Variants in TNIP1 observed in about 807,000 individuals in gnomAD.
The protein encoded by TNIP1 is TNFAIP3-interacting protein 1.
A neutral mutation model predicts 86.6 loss-of-function variants in TNIP1; 22 were observed. That is an observed-to-expected ratio of 0.25 (90% CI 0.18 to 0.36). TNIP1 has a LOEUF of 0.36. Among genes scored for constraint, TNIP1 ranks in the 10% least tolerant of loss-of-function variants. The probability of loss-of-function intolerance (pLI) is 1.00; values close to 1 mark genes in which losing one functional copy is unlikely to be tolerated. For missense variants in TNIP1, 709 were observed against 820.6 expected, an observed-to-expected ratio of 0.86 and a Z score of 1.66; for synonymous variants, 294 against 313.0, an observed-to-expected ratio of 0.94 and a Z score of 0.64.
intron 6 of TNIP1, among the ~76,000 whole-genome samples, chr5:151,055,916 C>T (rs1284349034): frequency 6.6e-6 from 1 of 152,200 alleles, no homozygotes; most frequent in Non-Finnish European, 1.5e-5. Flanking sequence ...TAACTGAACA[C>T]TTCCCCGCTG....
At chr5:151,038,728 C>T (rs948054347) in intron 12 of TNIP1, among the ~76,000 whole-genome samples, 31 of 152,094 alleles carry the variant, frequency 2.0e-4, no homozygotes, top group African/African-American at 6.3e-4. Context: ...TAAGTGATGA[C>T]GAGCCATGAG....
At chr5:151,050,304 G>A (rs756646110) in intron 7 of TNIP1, among the ~76,000 whole-genome samples, 13 of 151,814 alleles carry the variant, frequency 8.6e-5, no homozygotes, top group Admixed American at 3.3e-4. Context: ...GAGACGGTGC[G>A]AGCTTGGTGC....
chr5:151,055,599 G>C (rs1012746262), intron 6 of TNIP1, among the ~76,000 whole-genome samples: 1 of 152,118 alleles, frequency 6.6e-6, no homozygotes, highest in Non-Finnish European at 1.5e-5. Flanking sequence ...CCTCCAGGTG[G>C]GATGGGCATC....
chr5:151,035,445 C>A, intron 14 of TNIP1, 137 bp downstream of exon 14: 2 of 1,318,598 alleles, frequency 1.5e-6, no homozygotes, highest in South Asian at 2.7e-5. Flanking sequence ...AGGGCCTTGC[C>A]GAGCTCAAAT....
chr5:151,059,309 A>G (rs1483534869), intron 5 of TNIP1, among the ~76,000 whole-genome samples: 1 of 152,246 alleles, frequency 6.6e-6, no homozygotes, highest in Non-Finnish European at 1.5e-5. Context: ...AAGGGGACAG[A>G]AGGTTCCAGG....
chr5:151,034,886 C>A, intron 15 of TNIP1, 116 bp downstream of exon 15: 1 of 1,092,942 alleles, frequency 9.1e-7, no homozygotes, highest in Non-Finnish European at 1.4e-6. Flanking sequence ...TATTACTCAT[C>A]AGTTAGTTAG....
chr5:151,072,278 C>T (rs1387073402), intron 1 of TNIP1, among the ~76,000 whole-genome samples: 1 of 152,198 alleles, frequency 6.6e-6, no homozygotes, highest in Non-Finnish European at 1.5e-5. Flanking sequence ...AGTTCCTAGC[C>T]CCTGCCTTTA....
intron 2 of TNIP1, 143 bp from the exon 3 acceptor site, chr5:151,063,890 C>T (rs910454473): frequency 1.1e-5 from 11 of 1,017,248 alleles, no homozygotes; most frequent in Non-Finnish European, 1.4e-5. Context: ...GCTCTGTGGG[C>T]CAAGTGGGAC....
chr5:151,036,644 C>T (rs1757739095), intron 13 of TNIP1, 146 bp downstream of exon 13: 10 of 1,231,144 alleles, frequency 8.1e-6, no homozygotes, highest in Non-Finnish European at 1.1e-5. Context: ...AAAGGATAAA[C>T]CTAGAGCCAG....
chr5:151,065,082 C>G lies in TNIP1; in HGVS notation c.14G>C (p.Gly5Ala). Residue 5 changes from glycine (G) to alanine (A), a missense_variant, in exon 2 of 18, where the codon GGA becomes GCA. Coordinates refer to ENST00000521591, the MANE Select transcript of TNIP1 (RefSeq NM_006058.5). The stretch of plus-strand genomic sequence containing the variant: ...CCCAGGGTCGTAGATCCGGTACGGT[C>G]CTCTCCCTTCCATGAGGGTAGCTCA... MEGR[G>A]PYRIYDPGGS... 1 of 1,613,692 alleles carries G rather than the reference C, an allele frequency of 6.2e-7. No homozygotes were observed. The highest frequency in any genetic ancestry group is 8.5e-7 in the Non-Finnish European group (1 of 1,179,966).
At position 151,065,116 on chromosome 5, in the gene TNIP1, C is replaced by G. The variant is rs751955029; in HGVS notation, c.-21G>C. 9 of 1,607,954 alleles carry G rather than the reference C, an allele frequency of 5.6e-6. No individual in the cohort carries two copies. The South Asian group carries it at 6.6e-5, about 12-fold the overall frequency. On this transcript the variant is annotated 5_prime_UTR_variant, in exon 2 of 18. Transcript: ENST00000521591. ...TCCATGAGGGTAGCTCAGCCCCTGC[C>G]GTGGTGCCCGCCTGGCTGTAAGGAC...
At chr5:151,050,013 T>C in intron 7 of TNIP1, 66 bp from the exon 8 acceptor site, 2 of 1,603,778 alleles carry the variant, frequency 1.2e-6, no homozygotes, top group Non-Finnish European at 1.7e-6. Flanking sequence ...CAGGGCTCCT[T>C]AATGCTCACT....
At chr5:151,074,160 T>G (rs951022674) in intron 1 of TNIP1, among the ~76,000 whole-genome samples, 1 of 152,216 alleles carries the variant, frequency 6.6e-6, no homozygotes, top group African/African-American at 2.4e-5. Context: ...ACATTATATC[T>G]TTTGTACTGC....
At position 151,036,832 on chromosome 5, in the gene TNIP1, C is replaced by A. The variant is rs1183548110; in HGVS notation, c.1353G>T (p.Arg451Ser). Residue 451 changes from arginine (R) to serine (S), a missense_variant, in exon 13 of 18, where the codon AGG (arginine) becomes AGT (serine). Coordinates refer to ENST00000521591, the MANE Select transcript of TNIP1 (RefSeq NM_006058.5). ...CATTCTGCGTGACCAGCTCCTGTTT[C>A]CTTAGGAGGGCCCCTGCTCCTTCTG... ...GSPEGAGALLRKQELVTQNEL... is the reference protein window; with the variant it reads ...GSPEGAGALLSKQELVTQNEL... 1 of 1,614,072 alleles carries A rather than the reference C, an allele frequency of 6.2e-7. No individual in the cohort carries two copies. The highest frequency in any genetic ancestry group is 1.1e-5 in the South Asian group (1 of 91,084).
At chr5:151,084,456 A>AAG (rs1561554764), upstream of TNIP1, among the ~76,000 whole-genome samples, 16 of 147,280 alleles carry the variant, frequency 1.1e-4, no homozygotes, top group African/African-American at 2.8e-4. Flanking sequence ...AAAAAAAAAA[A>AAG]AAAGAAAGAA....
chr5:151,063,244 GTGA>G (rs1761809531), intron 3 of TNIP1, among the ~76,000 whole-genome samples: 1 of 152,192 alleles, frequency 6.6e-6, no homozygotes, highest in Non-Finnish European at 1.5e-5. Context: ...CCAGCTCCAA[GTGA>G]CAGGGAGTAG....
chr5:151,042,016 C>T (rs536662668), intron 11 of TNIP1, among the ~76,000 whole-genome samples: 4 of 151,412 alleles, frequency 2.6e-5, no homozygotes, highest in Non-Finnish European at 5.9e-5. Flanking sequence ...TCTTGACTCA[C>T]TGCAACCTCC....
At chr5:151,055,949 C>T (rs1174264453) in intron 6 of TNIP1, among the ~76,000 whole-genome samples, 1 of 152,188 alleles carries the variant, frequency 6.6e-6, no homozygotes, top group East Asian at 1.9e-4. Context: ...AGGCTAAGAC[C>T]CCCTGCCCAG....
chr5:151,079,394 C>T (rs1261121115), intron 1 of TNIP1, among the ~76,000 whole-genome samples: 1 of 152,118 alleles, frequency 6.6e-6, no homozygotes, highest in African/African-American at 2.4e-5. Context: ...GAGGCTGAGA[C>T]GGGCGGATCA....
Sources: allele counts gnomAD v4.1 joint callset (sites outside exome capture counted in the v4.1 genomes callset), GRCh38; gene constraint gnomAD v4.1.1; transcripts MANE v1.5; gene names NCBI Gene and HGNC (gene_info 2026-07-23, HGNC 2026-07-21).